The following SLCO4C1 variants were observed in gnomAD, a reference collection of about 807,000 sequenced individuals.
SLCO4C1 encodes organic anion transporter M1.
SLCO4C1 carries 58 observed loss-of-function variants against 72.1 expected under a neutral mutation model. The observed-to-expected ratio is 0.80, with a 90% CI of 0.65 to 1.00. The LOEUF (loss-of-function observed/expected upper bound fraction) is 1.00. Ranked by LOEUF, SLCO4C1 falls within the 50% of genes least tolerant of loss-of-function variation. SLCO4C1 has a pLI of 0.00. For synonymous variants in SLCO4C1, 297 were observed against 312.5 expected, an observed-to-expected ratio of 0.95 and a Z score of 0.52; for missense variants, 898 against 857.9, an observed-to-expected ratio of 1.05 and a Z score of -0.58.
intron 5 of SLCO4C1, 146 bp downstream of exon 5, chr5:102,261,766 A>C: frequency 2.9e-6 from 2 of 692,408 alleles, no homozygotes; most frequent in Non-Finnish European, 2.1e-6. Context: ...TCTAGAATGA[A>C]GAATATTCAA....
intron 10 of SLCO4C1, among the ~76,000 whole-genome samples, chr5:102,245,445 G>A (rs1000105382): frequency 6.6e-6 from 1 of 152,064 alleles, no homozygotes; most frequent in Admixed American, 6.6e-5. Flanking sequence ...AAGAGACAAA[G>A]AAAGTCACTA....
chr5:102,263,606 TG>T, intron 4 of SLCO4C1, 77 bp downstream of exon 4: 1 of 1,180,290 alleles, frequency 8.5e-7, no homozygotes, highest in Non-Finnish European at 1.2e-6. Flanking sequence ...GGAAGTACTG[TG>T]AAAATGTTCT....
chr5:102,270,190 C>A (rs2112374700), intron 3 of SLCO4C1, among the ~76,000 whole-genome samples: 1 of 152,158 alleles, frequency 6.6e-6, no homozygotes, highest in Admixed American at 6.6e-5. Context: ...ACTTATGCTA[C>A]CAGGAATTAG....
Position 102,274,699 on chromosome 5 carries a change from C to T in SLCO4C1, c.620-3893G>A, listed in dbSNP as rs183616026. ...CCTAGTTTTGAGGGAACCCAGTCTC[C>T]CCAGTTACCTGCATCAGGTGCTTTG... On this transcript the variant is annotated intron_variant, in intron 2 of 12. Transcript: ENST00000310954. 3.4e-3 allele frequency among the ~76,000 whole-genome samples: 510 copies of T among 152,208 alleles called. 2 individuals carry two copies. The highest frequency in any genetic ancestry group is 0.012 in the African/African-American group (489 of 41,526).
intron 2 of SLCO4C1, among the ~76,000 whole-genome samples, chr5:102,280,090 CAAAAAAAAAA>C (rs36217271): frequency 0.31 from 21,872 of 69,836 alleles, 1,728 homozygotes; most frequent in Middle Eastern, 0.47. Flanking sequence ...TGCAATAAGG[CAAAAAAAAAA>C]AAAAAAAAAA....
In SLCO4C1 at chr5:102,236,253, T is replaced by C. The variant is rs558057234; in HGVS notation, c.*605A>G. The C allele has an allele frequency of 6.6e-6, 1 of 152,480 alleles. No individual in the cohort carries two copies. The highest frequency in any genetic ancestry group is 1.9e-4 in the East Asian group (1 of 5,188). The allele number at this position is 152,480 out of a possible 1,614,324, so 9.4% of individuals were successfully genotyped here. ...AAGGATGATAACTAACATATTCTAA[T>C]AGTTCAATAATTTGCTTGGAGAAAG... is the stretch of plus-strand genomic sequence containing the variant. On this transcript the variant is annotated 3_prime_UTR_variant, in exon 13 of 13. Transcript: ENST00000310954.
chr5:102,258,152 A>G lies in SLCO4C1; in HGVS notation c.1129-65T>C, dbSNP rs1467504704. 2.8e-5 allele frequency: 37 copies of G among 1,327,140 alleles called. 1 individual carries two copies. The East Asian group carries it at 1.0e-3, about 36-fold the overall frequency. The allele number at this position is 1,327,140 out of a possible 1,614,324, so 82.2% of individuals were successfully genotyped here. On this transcript the variant is annotated intron_variant, in intron 6 of 12. Transcript: ENST00000310954. Reference sequence around the variant, plus strand: ...ATTGTATTGCAAAGTACAGAATTAGAAGGTTAGCATGATGAAATAACAAAA... The same window carrying G: ...ATTGTATTGCAAAGTACAGAATTAGGAGGTTAGCATGATGAAATAACAAAA...
chr5:102,279,687 A>C (rs2112388188), intron 2 of SLCO4C1, among the ~76,000 whole-genome samples: 1 of 152,166 alleles, frequency 6.6e-6, no homozygotes, highest in African/African-American at 2.4e-5. Context: ...ATAGTACCAA[A>C]CAGAATTCAC....
intron 3 of SLCO4C1, among the ~76,000 whole-genome samples, chr5:102,266,415 C>T (rs1437104612): frequency 1.3e-5 from 2 of 152,044 alleles, no homozygotes; most frequent in Admixed American, 6.6e-5. Flanking sequence ...TTTGGGAGGC[C>T]GAGGTGGGTG....
At chr5:102,237,557 A>G (rs1163439726) in intron 12 of SLCO4C1, among the ~76,000 whole-genome samples, 1 of 152,140 alleles carries the variant, frequency 6.6e-6, no homozygotes, top group Non-Finnish European at 1.5e-5. Flanking sequence ...GGTTGCAGTG[A>G]GCTGAGATCA....
At chr5:102,280,373 A>G (rs1749332866) in intron 2 of SLCO4C1, among the ~76,000 whole-genome samples, 1 of 152,062 alleles carries the variant, frequency 6.6e-6, no homozygotes, top group South Asian at 2.1e-4. Context: ...AAAAGCAAAA[A>G]GAAATACTTA....
At chr5:102,267,276 CT>C (rs1749058864) in intron 3 of SLCO4C1, among the ~76,000 whole-genome samples, 1 of 152,240 alleles carries the variant, frequency 6.6e-6, no homozygotes, top group Non-Finnish European at 1.5e-5. Context: ...TCATAGGAGA[CT>C]TTTTATTATT....
intron 2 of SLCO4C1, among the ~76,000 whole-genome samples, chr5:102,277,561 G>A (rs1749269214): frequency 6.6e-6 from 1 of 152,118 alleles, no homozygotes. Flanking sequence ...CATTCCCAGA[G>A]AGAATGATAT....
At chr5:102,263,653 T>C (rs1433162485) in intron 4 of SLCO4C1, 31 bp downstream of exon 4, 1 of 1,570,948 alleles carries the variant, frequency 6.4e-7, no homozygotes, top group Admixed American at 1.7e-5. Flanking sequence ...TAAAATGACT[T>C]TAAATAAAAG....
In SLCO4C1 at chr5:102,286,904, T is replaced by C. The variant is rs59477565; in HGVS notation, c.619+4439A>G. 6.7e-3 allele frequency among the ~76,000 whole-genome samples: 1,015 copies of C among 152,230 alleles called. 10 individuals carry two copies. Among genetic ancestry groups the C allele is most frequent in the African/African-American group, 0.023 (953 of 41,550 alleles). On this transcript the variant is annotated intron_variant, in intron 2 of 12. Coordinates refer to ENST00000310954, the MANE Select transcript of SLCO4C1 (RefSeq NM_180991.5). ...AGAAATCATACATGTTTATCATATT[T>C]TATGTTTTTTTCTACTTACTAGCTA...
chr5:102,289,784 T>C (rs913100297), intron 2 of SLCO4C1, among the ~76,000 whole-genome samples: 5 of 152,194 alleles, frequency 3.3e-5, no homozygotes, highest in African/African-American at 1.2e-4. Flanking sequence ...CCTTATCTTA[T>C]TCATTCCAAA....
At chr5:102,238,470 TACTC>T (rs1376331619) in intron 12 of SLCO4C1, among the ~76,000 whole-genome samples, 1 of 152,146 alleles carries the variant, frequency 6.6e-6, no homozygotes, top group Non-Finnish European at 1.5e-5. Context: ...AATATTCTAT[TACTC>T]TATCTCTATC....
intron 1 of SLCO4C1, among the ~76,000 whole-genome samples, chr5:102,292,468 C>CA (rs969751208): frequency 1.3e-5 from 2 of 151,832 alleles, no homozygotes. Context: ...TCCCCAACTC[C>CA]AAAAAAAGAG....
At chr5:102,247,555 C>A in intron 9 of SLCO4C1, 113 bp from the exon 10 acceptor site, 1 of 591,448 alleles carries the variant, frequency 1.7e-6, no homozygotes, top group South Asian at 5.0e-5. Context: ...AATCCATATT[C>A]AACAAATTAT....
Sources: allele counts gnomAD v4.1 joint callset (sites outside exome capture counted in the v4.1 genomes callset), GRCh38; gene constraint gnomAD v4.1.1; transcripts MANE v1.5; gene names NCBI Gene and HGNC (gene_info 2026-07-23, HGNC 2026-07-21).